Variants in HMGCS1 observed in about 807,000 individuals in gnomAD.
HMGCS1 encodes hydroxymethylglutaryl-CoA synthase, cytoplasmic.
Under a neutral mutation model 52.3 loss-of-function variants are expected in HMGCS1, and 9 were observed. That is an observed-to-expected ratio of 0.17 (90% CI 0.10 to 0.30). The LOEUF (loss-of-function observed/expected upper bound fraction) is 0.30. HMGCS1 is among the 10% of genes least tolerant of loss of function. The pLI is 1.00. For missense variants in HMGCS1, 320 were observed against 620.9 expected (o/e 0.52, Z 5.15); for synonymous variants, 176 against 214.4 (o/e 0.82, Z 1.57).
chr5:43,307,486 T>C (rs1190860327), intron 2 of HMGCS1, among the ~76,000 whole-genome samples: 3 of 152,222 alleles, frequency 2.0e-5, no homozygotes, highest in Non-Finnish European at 2.9e-5. Flanking sequence ...TCTGATTAAG[T>C]AGTCCATGTA....
rs1038312375 is a variant in HMGCS1 at position 43,302,379 on chromosome 5, C to A, written c.-10-3404G>T. On this transcript the variant is annotated intron_variant, in intron 2 of 10. Coordinates refer to ENST00000325110, the MANE Select transcript of HMGCS1 (RefSeq NM_001098272.3). ...TAGTGCTTTCTTCAACAACCCACCT[C>A]GTGCTTCTGCTTATTGAAATCCTTT... Among the ~76,000 whole-genome samples the A allele has an allele frequency of 4.6e-5, 7 of 152,212 alleles. 1 individual carries two copies. Among genetic ancestry groups the A allele is most frequent in the Admixed American group, 4.6e-4 (7 of 15,286 alleles).
At chr5:43,309,622 G>A (rs1277600581) in intron 1 of HMGCS1, among the ~76,000 whole-genome samples, 2 of 152,158 alleles carry the variant, frequency 1.3e-5, no homozygotes, top group East Asian at 3.8e-4. Context: ...ACAAATAGAA[G>A]ATTCAGAAAG....
At chr5:43,307,685 G>A (rs891484271) in intron 2 of HMGCS1, 81 bp downstream of exon 2, 7 of 152,108 alleles carry the variant, frequency 4.6e-5, no homozygotes, top group East Asian at 1.9e-4. Flanking sequence ...CAAACAAATC[G>A]TTATTTTCTC....
chr5:43,290,468 G>A lies in HMGCS1; in HGVS notation c.*663C>T, dbSNP rs766889557. The A allele has an allele frequency of 6.6e-6, 1 of 152,166 alleles. No individual in the cohort carries two copies. Among genetic ancestry groups the A allele is most frequent in the Non-Finnish European group, 1.5e-5 (1 of 68,056 alleles). 9.4% of individuals were successfully genotyped at this position (152,166 alleles called of 1,614,324 possible). A position where few individuals can be genotyped will look rare whatever the true frequency, so the allele number is the denominator to read the frequency against. Reference sequence around the variant, plus strand: ...AATGGCAGTGTTTCTCTGTTCAGAGGTCATTACAATAACTTTTGTCACTGC... The same window carrying A: ...AATGGCAGTGTTTCTCTGTTCAGAGATCATTACAATAACTTTTGTCACTGC... On this transcript the variant is annotated 3_prime_UTR_variant, in exon 11 of 11. Transcript: ENST00000325110.
intron 1 of HMGCS1, among the ~76,000 whole-genome samples, chr5:43,308,460 T>C (rs1371971429): frequency 2.0e-5 from 3 of 152,234 alleles, no homozygotes; most frequent in Non-Finnish European, 4.4e-5. Context: ...AGGTATTTTT[T>C]CTAGCAAGAC....
chr5:43,304,500 G>A (rs1754467798), intron 2 of HMGCS1, among the ~76,000 whole-genome samples: 1 of 152,166 alleles, frequency 6.6e-6, no homozygotes, highest in Non-Finnish European at 1.5e-5. Flanking sequence ...TATAATGCTT[G>A]TACAATTCTC....
rs1001816413 is a variant in HMGCS1, at chr5:43,307,816, C to T, written c.-61G>A. ...TCTCCAGGTCTGTCACTGTTTCCTC[C>T]TTCGGGCACTAGGAATTTCAAACAA... On this transcript the variant is annotated 5_prime_UTR_variant, in exon 2 of 11. Transcript: ENST00000325110. 2 of 152,202 alleles carry T rather than the reference C, an allele frequency of 1.3e-5. No homozygotes were observed. The highest frequency in any genetic ancestry group is 1.3e-4 in the Admixed American group (2 of 15,284). The allele number at this position is 152,202 out of a possible 1,614,324, so 9.4% of individuals were successfully genotyped here.
chr5:43,291,106 G>A lies in HMGCS1; in HGVS notation c.*25C>T. ...CCCCACCCCATGCCCACCCCACCCT[G>A]AAGTCTTGCACCTCACAGAGTATCT... On this transcript the variant is annotated 3_prime_UTR_variant, in exon 11 of 11. Transcript: ENST00000325110. 4.3e-6 allele frequency: 3 copies of A among 699,106 alleles called. No homozygotes were observed. Among genetic ancestry groups the A allele is most frequent in the Non-Finnish European group, 7.1e-6 (3 of 420,478 alleles). 43.3% of individuals were successfully genotyped at this position (699,106 alleles called of 1,614,324 possible).
chr5:43,298,378 G>A lies in HMGCS1; in HGVS notation c.448+140C>T, dbSNP rs1338567725. 5.8e-6 allele frequency: 4 copies of A among 689,274 alleles called. No individual in the cohort carries two copies. Among genetic ancestry groups the A allele is most frequent in the Middle Eastern group, 4.0e-4 (1 of 2,508 alleles). 42.7% of individuals were successfully genotyped at this position (689,274 alleles called of 1,614,324 possible). On this transcript the variant is annotated intron_variant, in intron 3 of 10. Transcript: ENST00000325110. The surrounding 1 kb of genome is among the most constrained non-coding windows in gnomAD (Gnocchi z 5.6). ...TTCACAATTCGGATAATGACAGACAGGTAAAATATCTTTCTTAATATATCC... is the reference window on the plus strand; with the variant it reads ...TTCACAATTCGGATAATGACAGACAAGTAAAATATCTTTCTTAATATATCC...
Position 43,292,643 on chromosome 5 carries a change from G to C in HMGCS1, c.1310-6C>G, listed in dbSNP as rs376783581. The C allele has an allele frequency of 2.5e-6, 4 of 1,606,808 alleles. No individual in the cohort carries two copies. The highest frequency in any genetic ancestry group is 3.4e-6 in the Non-Finnish European group (4 of 1,174,012). On this transcript the variant is annotated splice_region_variant and splice_polypyrimidine_tract_variant and intron_variant, in intron 9 of 10. Coordinates refer to ENST00000325110, the MANE Select transcript of HMGCS1 (RefSeq NM_001098272.3). Reference sequence around the variant, plus strand: ...ACCCTGGGGAATATAGTTGACTAAAGGAAAGGGAGAGAATATCTACAATTA... The same window carrying C: ...ACCCTGGGGAATATAGTTGACTAAACGAAAGGGAGAGAATATCTACAATTA...
chr5:43,311,322 C>CAA lies in HMGCS1; in HGVS notation c.-70+2032_-70+2033dup, dbSNP rs34754612. Reference sequence around the variant, plus strand: ...GCGACAGAGCGAGATTCTGTCTCCCCAAAAAAAAAAAAAAAAAAAAATCTA... The same window carrying CAA: ...GCGACAGAGCGAGATTCTGTCTCCCCAAAAAAAAAAAAAAAAAAAAAAATCTA... On this transcript the variant is annotated intron_variant, in intron 1 of 10. Transcript: ENST00000325110. Among the ~76,000 whole-genome samples, 306 of 98,242 alleles carry CAA rather than the reference C, an allele frequency of 3.1e-3. 1 individual carries two copies. Among genetic ancestry groups the CAA allele is most frequent in the African/African-American group, 0.011 (290 of 26,070 alleles). The allele number at this position is 98,242 out of a possible 152,430, so 64.5% of individuals were successfully genotyped here.
chr5:43,289,476 T>C lies in HMGCS1; in HGVS notation c.*1655A>G, dbSNP rs1226222812. 1 of 152,646 alleles carries C rather than the reference T, an allele frequency of 6.6e-6. No homozygotes were observed. Among genetic ancestry groups the C allele is most frequent in the Non-Finnish European group, 1.5e-5 (1 of 68,030 alleles). 9.5% of individuals were successfully genotyped at this position (152,646 alleles called of 1,614,324 possible). A position where few individuals can be genotyped will look rare whatever the true frequency, so the allele number is the denominator to read the frequency against. ...GTATGATTAATGCTCTGTGCCAGTATTTGCAGGCCTGCCCATTGCCGGCAA... is the reference window on the plus strand; with the variant it reads ...GTATGATTAATGCTCTGTGCCAGTACTTGCAGGCCTGCCCATTGCCGGCAA... On this transcript the variant is annotated 3_prime_UTR_variant, in exon 11 of 11. Transcript: ENST00000325110.
chr5:43,305,104 A>G (rs2111718055), intron 2 of HMGCS1, among the ~76,000 whole-genome samples: 1 of 152,174 alleles, frequency 6.6e-6, no homozygotes, highest in East Asian at 1.9e-4. Context: ...CTACTGCCTC[A>G]GCCTCTCAAG....
At chr5:43,310,387 C>T (rs1019406017) in intron 1 of HMGCS1, among the ~76,000 whole-genome samples, 1 of 152,208 alleles carries the variant, frequency 6.6e-6, no homozygotes, top group East Asian at 1.9e-4. Context: ...GTCTACATAG[C>T]CTACTCTCTA....
In HMGCS1 at chr5:43,287,491, G is replaced by C. The variant is rs1479694040; in HGVS notation, c.*3640C>G. On this transcript the variant is annotated 3_prime_UTR_variant, in exon 11 of 11. Transcript: ENST00000325110. ...AAGCTTGAATGAAAGTCATTTATTTGAGAAGCGATCCCAGGATGCAAGAGA... is the reference window on the plus strand; with the variant it reads ...AAGCTTGAATGAAAGTCATTTATTTCAGAAGCGATCCCAGGATGCAAGAGA... 4 of 152,136 alleles carry C rather than the reference G, an allele frequency of 2.6e-5. No individual in the cohort carries two copies. In the East Asian group the frequency reaches 5.8e-4, roughly 22 times the overall value. 9.4% of individuals were successfully genotyped at this position (152,136 alleles called of 1,614,324 possible).
chr5:43,288,694 C>T lies in HMGCS1; in HGVS notation c.*2437G>A, dbSNP rs1480018438. ...TAAATAATATCCTACAATGTGCAAG[C>T]AGAAGTGACCTTAGAGAACGCTAGC... On this transcript the variant is annotated 3_prime_UTR_variant, in exon 11 of 11. Transcript: ENST00000325110. The T allele has an allele frequency of 6.6e-6, 1 of 152,000 alleles. No homozygotes were observed. Among genetic ancestry groups the T allele is most frequent in the Non-Finnish European group, 1.5e-5 (1 of 68,016 alleles). The allele number at this position is 152,000 out of a possible 1,614,324, so 9.4% of individuals were successfully genotyped here.
At position 43,306,881 on chromosome 5, in the gene HMGCS1, G is replaced by GAATA. The variant is rs541238227; in HGVS notation, c.-11+881_-11+884dup. ...TTGGCATATGGTAGATGCTAATGTT[G>GAATA]AATAAATGAAATGGTACTAGACTTC... On this transcript the variant is annotated intron_variant, in intron 2 of 10. Coordinates refer to ENST00000325110, the MANE Select transcript of HMGCS1 (RefSeq NM_001098272.3). 1.7e-3 allele frequency among the ~76,000 whole-genome samples: 260 copies of GAATA among 152,096 alleles called. 3 individuals are homozygous for GAATA. Among genetic ancestry groups the GAATA allele is most frequent in the Admixed American group, 6.5e-3 (100 of 15,278 alleles).
Position 43,298,959 on chromosome 5 carries a change from C to T in HMGCS1, c.7G>A (p.Gly3Arg), listed in dbSNP as rs1171779337. MP[G>R]SLPLNAEACW... is the part of the protein sequence containing the mutation. Reference sequence around the variant, plus strand: ...GCTTCTGCATTCAAAGGAAGTGATCCAGGCATGGTGAAAGAGCTTTAGAAA... The same window carrying T: ...GCTTCTGCATTCAAAGGAAGTGATCTAGGCATGGTGAAAGAGCTTTAGAAA... Residue 3 changes from glycine (G) to arginine (R), a missense_variant, in exon 3 of 11, where the codon GGA (glycine) becomes AGA (arginine). Physicochemically the swap from Gly to Arg is moderately radical, Grantham distance 125. Coordinates refer to ENST00000325110, the MANE Select transcript of HMGCS1 (RefSeq NM_001098272.3). The surrounding 1 kb of genome is among the most constrained non-coding windows in gnomAD (Gnocchi z 5.6). 1 of 1,608,884 alleles carries T rather than the reference C, an allele frequency of 6.2e-7. No individual in the cohort carries two copies. The highest frequency in any genetic ancestry group is 8.5e-7 in the Non-Finnish European group (1 of 1,177,586).
chr5:43,307,094 A>C (rs184190927), intron 2 of HMGCS1, among the ~76,000 whole-genome samples: 4,155 of 141,680 alleles, frequency 0.029, 147 homozygotes, highest in African/African-American at 0.092. Flanking sequence ...TTTTTGAGAC[A>C]GAGTCCCACT....
Sources: allele counts gnomAD v4.1 joint callset (sites outside exome capture counted in the v4.1 genomes callset), GRCh38; gene constraint gnomAD v4.1.1; non-coding constraint Gnocchi (gnomAD v3.1); transcripts MANE v1.5; gene names NCBI Gene and HGNC (gene_info 2026-07-23, HGNC 2026-07-21).